Variants in PPP2R2B observed in about 807,000 individuals in gnomAD.
PPP2R2B encodes protein phosphatase 2 regulatory subunit Bbeta.
PPP2R2B carries 5 observed loss-of-function variants against 46.0 expected under a neutral mutation model. The ratio of observed to expected loss-of-function variants is 0.11; its 90% CI spans 0.06 to 0.23. The LOEUF is 0.23. PPP2R2B is among the 10% of genes least tolerant of loss of function. PPP2R2B has a pLI of 1.00. For synonymous variants in PPP2R2B, 215 were observed against 206.7 expected (o/e 1.04, Z -0.34); for missense variants, 367 against 575.0 (o/e 0.64, Z 3.70).
At chr5:147,045,134 G>C (rs1273429059) in intron 1 of PPP2R2B, among the ~76,000 whole-genome samples, 2 of 152,094 alleles carry the variant, frequency 1.3e-5, no homozygotes, top group South Asian at 2.1e-4. Flanking sequence ...GGCATGCCTA[G>C]AGCCATTTAC....
At chr5:146,731,630 A>T (rs186296867) in intron 2 of PPP2R2B, among the ~76,000 whole-genome samples, 1 of 152,294 alleles carries the variant, frequency 6.6e-6, no homozygotes, top group Non-Finnish European at 1.5e-5. Flanking sequence ...ACCTTGGGAG[A>T]GTCAGTCACC....
chr5:146,690,648 T>A (rs1277489956), intron 5 of PPP2R2B, among the ~76,000 whole-genome samples: 1 of 152,204 alleles, frequency 6.6e-6, no homozygotes, highest in Admixed American at 6.5e-5. Flanking sequence ...GTTTTGCAGA[T>A]GGAGAAATTA....
intron 7 of PPP2R2B, among the ~76,000 whole-genome samples, chr5:146,626,362 A>T (rs1036210046): frequency 2.0e-5 from 3 of 152,224 alleles, no homozygotes; most frequent in Admixed American, 2.0e-4. Flanking sequence ...ATGAATGTTA[A>T]AAGATTAATT....
intron 1 of PPP2R2B, among the ~76,000 whole-genome samples, chr5:146,962,907 C>T (rs957281227): frequency 6.6e-6 from 1 of 152,118 alleles, no homozygotes; most frequent in Non-Finnish European, 1.5e-5. Flanking sequence ...TCTTGTTTTA[C>T]AGGTGAATGA....
chr5:146,746,871 C>A (rs181872495), intron 2 of PPP2R2B, among the ~76,000 whole-genome samples: 1 of 152,258 alleles, frequency 6.6e-6, no homozygotes, highest in Non-Finnish European at 1.5e-5. Context: ...TCCCATTATG[C>A]AGATACCAAA....
intron 1 of PPP2R2B, among the ~76,000 whole-genome samples, chr5:146,998,349 C>A (rs572097563): frequency 6.6e-6 from 1 of 152,156 alleles, no homozygotes; most frequent in African/African-American, 2.4e-5. Flanking sequence ...AAGCACCTGC[C>A]CAGGAATGTG....
Position 146,891,862 on chromosome 5 carries a change from C to A in PPP2R2B, c.79+163803G>T, listed in dbSNP as rs567806540. 2.0e-5 allele frequency among the ~76,000 whole-genome samples: 3 copies of A among 152,204 alleles called. No homozygotes were observed. In the East Asian group the frequency reaches 5.8e-4, roughly 29 times the overall value. On this transcript the variant is annotated intron_variant, in intron 1 of 8. Coordinates refer to the PPP2R2B transcript ENST00000336640. ...TGGGGCCCAAATCAAAAAAAGGGGG[C>A]ATCTTTTGTTCTTAAAGTATTTGGA...
At chr5:146,634,013 G>A (rs1384576293) in intron 7 of PPP2R2B, among the ~76,000 whole-genome samples, 1 of 152,202 alleles carries the variant, frequency 6.6e-6, no homozygotes, top group African/African-American at 2.4e-5. Flanking sequence ...AGACAGTGTG[G>A]TTAATGTTAT....
chr5:146,800,991 T>C (rs987919732), intron 2 of PPP2R2B, among the ~76,000 whole-genome samples: 2 of 152,082 alleles, frequency 1.3e-5, no homozygotes, highest in Non-Finnish European at 2.9e-5. Flanking sequence ...GGGATATCAT[T>C]CAGCCTTTAA....
intron 7 of PPP2R2B, among the ~76,000 whole-genome samples, chr5:146,625,455 C>T (rs1773987280): frequency 6.6e-6 from 1 of 152,102 alleles, no homozygotes; most frequent in Non-Finnish European, 1.5e-5. Flanking sequence ...TAGTTGTTTA[C>T]CTCTAAAAGC....
intron 1 of PPP2R2B, among the ~76,000 whole-genome samples, chr5:146,989,170 CATTT>C (rs948827752): frequency 6.6e-6 from 1 of 151,980 alleles, no homozygotes; most frequent in African/African-American, 2.4e-5. Flanking sequence ...TTCTACCAAA[CATTT>C]AAAGAAGAAC....
At chr5:146,652,813 A>C (rs1001288879) in intron 5 of PPP2R2B, among the ~76,000 whole-genome samples, 11 of 152,166 alleles carry the variant, frequency 7.2e-5, no homozygotes, top group African/African-American at 2.4e-4. Context: ...AAAAAAATGA[A>C]AGGATTTGCA....
At chr5:146,627,627 C>T (rs892754748) in intron 7 of PPP2R2B, among the ~76,000 whole-genome samples, 3 of 152,184 alleles carry the variant, frequency 2.0e-5, no homozygotes, top group African/African-American at 7.2e-5. Flanking sequence ...AGATGCCCAG[C>T]AGAGGAATAA....
chr5:146,647,065 C>A (rs563052053), intron 6 of PPP2R2B, among the ~76,000 whole-genome samples: 17 of 152,144 alleles, frequency 1.1e-4, no homozygotes, highest in Non-Finnish European at 1.8e-4. Flanking sequence ...CACCAAATGC[C>A]AGTCACAGGA....
intron 1 of PPP2R2B, among the ~76,000 whole-genome samples, chr5:147,031,627 A>T (rs1178833106): frequency 3.9e-5 from 6 of 152,126 alleles, no homozygotes; most frequent in African/African-American, 1.2e-4. Context: ...CTTAGACCTC[A>T]ATAAAAAATA....
intron 5 of PPP2R2B, among the ~76,000 whole-genome samples, chr5:146,684,203 A>G (rs1581868007): frequency 2.0e-5 from 3 of 152,208 alleles, no homozygotes; most frequent in African/African-American, 7.2e-5. Flanking sequence ...CAGAGCAGCA[A>G]TAAATCACAA....
intron 1 of PPP2R2B, among the ~76,000 whole-genome samples, chr5:147,028,840 T>C (rs1210424452): frequency 6.6e-6 from 1 of 152,228 alleles, no homozygotes; most frequent in Non-Finnish European, 1.5e-5. Flanking sequence ...CAACCATTGA[T>C]ATTTTTAGTC....
In PPP2R2B at chr5:146,878,208, C is replaced by G. The variant is rs753133315; in HGVS notation, c.-124-13G>C. On this transcript the variant is annotated splice_polypyrimidine_tract_variant and intron_variant, in intron 1 of 9. Coordinates refer to ENST00000394411, the MANE Select transcript of PPP2R2B (RefSeq NM_181675.4). The surrounding 1 kb of genome is among the most constrained non-coding windows in gnomAD (Gnocchi z 4.5). ...CCATGGTCCGAGCCTGAGGAGGAGA[C>G]GGGGAGGCGGAGAGAAAAAAAATAA... The G allele has an allele frequency of 6.4e-7, 1 of 1,557,798 alleles. No individual in the cohort carries two copies. The highest frequency in any genetic ancestry group is 1.2e-5 in the South Asian group (1 of 85,594).
chr5:146,914,688 C>T (rs1407645443), intron 1 of PPP2R2B, among the ~76,000 whole-genome samples: 2 of 152,160 alleles, frequency 1.3e-5, no homozygotes, highest in African/African-American at 4.8e-5. Flanking sequence ...GATGGGGACA[C>T]TGGCAAAGAA....
Sources: gnomAD v4.1 joint callset for allele counts (sites outside exome capture counted in the v4.1 genomes callset) on GRCh38, gnomAD v4.1.1 for gene constraint, Gnocchi (gnomAD v3.1) non-coding constraint, MANE v1.5 for transcripts, NCBI Gene and HGNC (gene_info 2026-07-23, HGNC 2026-07-21) for gene names.